The following MAPK8 variants were observed in gnomAD, a reference collection of about 807,000 sequenced individuals.
MAPK8 encodes mitogen-activated protein kinase 8, also known as JUN N-terminal kinase.
A neutral mutation model predicts 52.9 loss-of-function variants in MAPK8; 13 were observed. The ratio of observed to expected loss-of-function variants is 0.25; its 90% CI spans 0.16 to 0.39. The LOEUF (loss-of-function observed/expected upper bound fraction) is 0.39, where lower values mean the gene tolerates loss of function less well. MAPK8 is among the 10% of genes least tolerant of loss of function. The pLI is 1.00. For synonymous variants in MAPK8, 191 were observed against 169.8 expected (o/e 1.12, Z -0.97); for missense variants, 300 against 519.2 (o/e 0.58, Z 4.10).
At chr10:48,423,495 A>G (rs2133216102) in intron 6 of MAPK8, among the ~76,000 whole-genome samples, 1 of 152,310 alleles carries the variant, frequency 6.6e-6, no homozygotes, top group Admixed American at 6.5e-5. Context: ...TGCCAAGAAA[A>G]CAAATGGACT....
chr10:48,322,559 TTA>T (rs1843103410), intron 1 of MAPK8, among the ~76,000 whole-genome samples: 2 of 152,096 alleles, frequency 1.3e-5, no homozygotes, highest in African/African-American at 4.8e-5. Flanking sequence ...CTGGTCTATT[TTA>T]TGTTTTATTT....
intron 1 of MAPK8, among the ~76,000 whole-genome samples, chr10:48,333,123 A>G (rs781018085): frequency 7.2e-5 from 11 of 152,150 alleles, no homozygotes; most frequent in African/African-American, 1.2e-4. Context: ...TTGGTATTCT[A>G]TGATACCTAA....
At chr10:48,327,076 T>A (rs139832610) in intron 1 of MAPK8, among the ~76,000 whole-genome samples, 48 of 152,302 alleles carry the variant, frequency 3.2e-4, no homozygotes, top group African/African-American at 1.0e-3. Context: ...TTTATTGTCT[T>A]ATTGCAGTAT....
intron 1 of MAPK8, among the ~76,000 whole-genome samples, chr10:48,327,532 G>C (rs1330300576): frequency 1.3e-5 from 2 of 152,092 alleles, no homozygotes. Context: ...GAAAGATACT[G>C]GTCTGTAGCT....
At chr10:48,422,594 G>T (rs1198843375) in intron 6 of MAPK8, among the ~76,000 whole-genome samples, 2 of 152,040 alleles carry the variant, frequency 1.3e-5, no homozygotes, top group African/African-American at 4.8e-5. Flanking sequence ...TTGTAAGCTG[G>T]ATATTTAAAG....
chr10:48,393,195 A>G (rs1466467436), intron 1 of MAPK8, among the ~76,000 whole-genome samples: 1 of 151,552 alleles, frequency 6.6e-6, no homozygotes, highest in Non-Finnish European at 1.5e-5. Flanking sequence ...GACAACTCCT[A>G]CATTTATCTT....
At chr10:48,332,627 G>T (rs1461688394) in intron 1 of MAPK8, among the ~76,000 whole-genome samples, 1 of 152,194 alleles carries the variant, frequency 6.6e-6, no homozygotes, top group Non-Finnish European at 1.5e-5. Context: ...TTCCTCCAGG[G>T]AGGCTTGCTT....
intron 1 of MAPK8, among the ~76,000 whole-genome samples, chr10:48,337,466 A>G (rs1844802719): frequency 1.3e-5 from 2 of 152,168 alleles, no homozygotes; most frequent in South Asian, 4.1e-4. Flanking sequence ...TAGAGTTAAG[A>G]GGAAAATTTT....
intron 5 of MAPK8, among the ~76,000 whole-genome samples, chr10:48,413,838 T>TTCA (rs2042905216): frequency 1.8e-5 from 2 of 108,316 alleles, no homozygotes; most frequent in African/African-American, 3.5e-5. Flanking sequence ...TATATATATA[T>TTCA]ATATATATAT....
intron 1 of MAPK8, among the ~76,000 whole-genome samples, chr10:48,350,740 C>T (rs1846236782): frequency 6.6e-6 from 1 of 152,104 alleles, no homozygotes. Context: ...TACTCCTATT[C>T]AATATAGTAT....
At chr10:48,403,616 C>T (rs1426618884) in intron 2 of MAPK8, among the ~76,000 whole-genome samples, 1 of 152,110 alleles carries the variant, frequency 6.6e-6, no homozygotes, top group Admixed American at 6.6e-5. Flanking sequence ...TTTGACTGGC[C>T]TGTTCTCATT....
At chr10:48,368,837 C>G (rs1848297708) in intron 1 of MAPK8, among the ~76,000 whole-genome samples, 1 of 152,130 alleles carries the variant, frequency 6.6e-6, no homozygotes, top group African/African-American at 2.4e-5. Context: ...TCAGATGCGT[C>G]CTCTTCTGTT....
intron 1 of MAPK8, among the ~76,000 whole-genome samples, chr10:48,325,141 A>G (rs1177481221): frequency 6.6e-6 from 1 of 151,870 alleles, no homozygotes; most frequent in South Asian, 2.1e-4. Flanking sequence ...ATGCCTGGCT[A>G]ATTTTCATAT....
At chr10:48,312,336 T>C (rs986292005) in intron 1 of MAPK8, among the ~76,000 whole-genome samples, 1 of 151,924 alleles carries the variant, frequency 6.6e-6, no homozygotes, top group Non-Finnish European at 1.5e-5. Context: ...CTAACCAGAG[T>C]TCTCAATCTC....
At chr10:48,338,822 GACACACACAA>G in intron 1 of MAPK8, among the ~76,000 whole-genome samples, 1 of 151,572 alleles carries the variant, frequency 6.6e-6, no homozygotes, top group South Asian at 2.1e-4. Context: ...ATTTACAATA[GACACACACAA>G]ACACACACAC....
At chr10:48,410,432 C>G (rs1017867605) in intron 5 of MAPK8, 1 of 296,662 alleles carries the variant, frequency 3.4e-6, no homozygotes, top group Non-Finnish European at 6.2e-6. Flanking sequence ...ATATGAAATA[C>G]GGCGTGATGT....
intron 1 of MAPK8, among the ~76,000 whole-genome samples, chr10:48,399,415 C>G (rs2042047068): frequency 6.6e-6 from 1 of 152,184 alleles, no homozygotes; most frequent in Non-Finnish European, 1.5e-5. Flanking sequence ...GGGCTGCCTG[C>G]TTAACCTTGG....
rs1564612852 is a variant in MAPK8 at position 48,420,316 on chromosome 10, A to G, written c.612A>G (p.Glu204=). ...PEVILGMGYK[E]NVDLWSVGCI... ...TCATCCTTGGCATGGGCTACAAGGA[A>G]AACGGTCAGCACACACATTTATTTG... Residue 204 remains glutamate (E), a synonymous_variant, in exon 6 of 12, where the codon GAA becomes GAG. Transcript: ENST00000374189. 7 of 1,603,886 alleles carry G rather than the reference A, an allele frequency of 4.4e-6. No homozygotes were observed. Among genetic ancestry groups the G allele is most frequent in the Admixed American group, 1.7e-5 (1 of 58,646 alleles).
rs144969029 is a variant in MAPK8 at position 48,385,152 on chromosome 10, A to G, written c.-49-16460A>G. ...GGGTCAGTTAGTCTAGAGCTTCCAT[A>G]GCATGTGGCTTCAAGAGGTAATTAT... is the stretch of plus-strand genomic sequence containing the variant. On this transcript the variant is annotated intron_variant, in intron 1 of 11. Coordinates refer to ENST00000374189, the MANE Select transcript of MAPK8 (RefSeq NM_001323329.2). Among the ~76,000 whole-genome samples, 343 of 152,334 alleles carry G rather than the reference A, an allele frequency of 2.3e-3. 3 individuals carry two copies. Among genetic ancestry groups the G allele is most frequent in the African/African-American group, 7.7e-3 (320 of 41,576 alleles).
Sources: allele counts gnomAD v4.1 joint callset (sites outside exome capture counted in the v4.1 genomes callset), GRCh38; gene constraint gnomAD v4.1.1; transcripts MANE v1.5; gene names NCBI Gene and HGNC (gene_info 2026-07-23, HGNC 2026-07-21).